Variants in FBN1 observed in about 807,000 individuals in gnomAD.
The protein encoded by FBN1 is fibrillin-1.
A neutral mutation model predicts 365.1 loss-of-function variants in FBN1; 29 were observed. The observed-to-expected ratio is 0.08, with a 90% CI of 0.06 to 0.11. The LOEUF is 0.11. FBN1 is among the 10% of genes least tolerant of loss of function. FBN1 has a pLI of 1.00. For synonymous variants in FBN1, 1,210 were observed against 1,270.5 expected, an observed-to-expected ratio of 0.95 and a Z score of 1.01; for missense variants, 2,476 against 3,703.2, an observed-to-expected ratio of 0.67 and a Z score of 8.60.
At chr15:48,511,206 G>C (rs1395204000) in intron 13 of FBN1, among the ~76,000 whole-genome samples, 1 of 152,134 alleles carries the variant, frequency 6.6e-6, no homozygotes. Flanking sequence ...GTGTCTTGTG[G>C]TTGGCCCTCA....
chr15:48,560,203 A>G (rs537229131), intron 6 of FBN1, among the ~76,000 whole-genome samples: 2 of 152,300 alleles, frequency 1.3e-5, no homozygotes, highest in Admixed American at 1.3e-4. Context: ...GCATGAGACA[A>G]AGCGCACACA....
intron 52 of FBN1, 34 bp from the exon 53 acceptor site, chr15:48,437,111 G>C (rs751438568): frequency 4.9e-6 from 7 of 1,427,224 alleles, no homozygotes; most frequent in Admixed American, 1.7e-5. Flanking sequence ...TGAATAACAA[G>C]GTATTTTTTA....
At chr15:48,534,036 T>A in intron 8 of FBN1, 44 bp downstream of exon 8, 2 of 1,612,202 alleles carry the variant, frequency 1.2e-6, no homozygotes, top group Non-Finnish European at 1.7e-6. Flanking sequence ...GAGTTTTGCC[T>A]GCCCCCACTA....
intron 2 of FBN1, among the ~76,000 whole-genome samples, chr15:48,623,706 CT>C (rs1889814157): frequency 6.6e-6 from 1 of 152,174 alleles, no homozygotes; most frequent in African/African-American, 2.4e-5. Context: ...CTTGATAGGT[CT>C]CTTTGGATGT....
rs2043601876 is a variant in FBN1, at chr15:48,495,696, A to G, written c.2420-108T>C. ...CTACATATCCTTAATCCCACACAGT[A>G]AAGCTGGGCTAAATAGTTTTTCCTA... On this transcript the variant is annotated intron_variant, in intron 20 of 65. Coordinates refer to ENST00000316623, the MANE Select transcript of FBN1 (RefSeq NM_000138.5). The G allele has an allele frequency of 5.7e-6, 8 of 1,409,460 alleles. No homozygotes were observed. In the South Asian group the frequency reaches 9.4e-5, roughly 17 times the overall value. The allele number at this position is 1,409,460 out of a possible 1,614,324, so 87.3% of individuals were successfully genotyped here. A position where few individuals can be genotyped will look rare whatever the true frequency, so the allele number is the denominator to read the frequency against.
intron 6 of FBN1, among the ~76,000 whole-genome samples, chr15:48,567,338 CAAGAT>C: frequency 6.6e-6 from 1 of 152,136 alleles, no homozygotes; most frequent in African/African-American, 2.4e-5. Context: ...TATCAATTCA[CAAGAT>C]AAGAAATGAT....
At chr15:48,495,345 A>G (rs1241391656) in intron 21 of FBN1, 85 bp from the exon 22 acceptor site, 1 of 1,596,592 alleles carries the variant, frequency 6.3e-7, no homozygotes, top group African/African-American at 1.3e-5. Flanking sequence ...ATAGCATTTG[A>G]AACAAGGAAT....
chr15:48,411,450 A>G, intron 65 of FBN1, 71 bp from the exon 66 acceptor site: 2 of 1,437,216 alleles, frequency 1.4e-6, no homozygotes, highest in Non-Finnish European at 1.9e-6. Flanking sequence ...TAAAGAAAAA[A>G]TGACTCAAAT....
At chr15:48,444,427 A>G in intron 49 of FBN1, 114 bp downstream of exon 49, 1 of 1,251,166 alleles carries the variant, frequency 8.0e-7, no homozygotes, top group South Asian at 1.2e-5. Flanking sequence ...ATGCCCTTGC[A>G]TTTGTTTCTG....
At chr15:48,574,000 G>A (rs1408426606) in intron 6 of FBN1, among the ~76,000 whole-genome samples, 5 of 152,192 alleles carry the variant, frequency 3.3e-5, no homozygotes, top group South Asian at 2.1e-4. Context: ...GCCTTGTCCC[G>A]ACCGCACGGG....
rs148057138 is a variant in FBN1 at position 48,474,244 on chromosome 15, C to T, written c.4210+11G>A. On this transcript the variant is annotated intron_variant, in intron 34 of 65. Coordinates refer to ENST00000316623, the MANE Select transcript of FBN1 (RefSeq NM_000138.5). ...CTAGTGTTGACACAGTTGTTTCCAGCGTGAACATACCTGTACAAGTGAAGC... is the reference window on the plus strand; with the variant it reads ...CTAGTGTTGACACAGTTGTTTCCAGTGTGAACATACCTGTACAAGTGAAGC... 52 of 1,614,002 alleles carry T rather than the reference C, an allele frequency of 3.2e-5. No individual in the cohort carries two copies. Among genetic ancestry groups the T allele is most frequent in the Admixed American group, 1.2e-4 (7 of 60,008 alleles).
chr15:48,489,199 T>C (rs12910462), intron 25 of FBN1, among the ~76,000 whole-genome samples: 3 of 103,284 alleles, frequency 2.9e-5, no homozygotes, highest in South Asian at 3.4e-4. Context: ...CATGCCTAGA[T>C]ATTTTTTTTT....
In FBN1 at chr15:48,415,687, G is replaced by C; in HGVS notation, c.7900C>G (p.Pro2634Ala). The C allele has an allele frequency of 6.2e-7, 1 of 1,614,212 alleles. No homozygotes were observed. ...NTLGSYKCMC[P>A]AGFQYEQFSG... Reference sequence around the variant, plus strand: ...AACTGTTCATACTGGAAGCCGGCGGGACACATGCACTTGTAGCTCCCCAGG... The same window carrying C: ...AACTGTTCATACTGGAAGCCGGCGGCACACATGCACTTGTAGCTCCCCAGG... Residue 2634 changes from proline to alanine, a missense_variant, in exon 64 of 66, where the codon CCC becomes GCC. Transcript: ENST00000316623.
chr15:48,635,960 C>T (rs757785673), intron 2 of FBN1, among the ~76,000 whole-genome samples: 56 of 152,194 alleles, frequency 3.7e-4, no homozygotes, highest in Admixed American at 7.9e-4. Context: ...GCCAACTGAA[C>T]TTGATCAAGT....
At chr15:48,595,297 T>C (rs1029640254) in intron 6 of FBN1, among the ~76,000 whole-genome samples, 5 of 152,262 alleles carry the variant, frequency 3.3e-5, no homozygotes, top group African/African-American at 1.2e-4. Context: ...CATCTGCTAC[T>C]GAATCTTTAC....
chr15:48,525,064 T>C (rs2043897144), intron 9 of FBN1, among the ~76,000 whole-genome samples: 1 of 151,786 alleles, frequency 6.6e-6, no homozygotes, highest in Non-Finnish European at 1.5e-5. Flanking sequence ...TCTTAACAAT[T>C]ATTAAATCCA....
At position 48,444,589 on chromosome 15, in the gene FBN1, T is replaced by G. The variant is rs2043139799; in HGVS notation, c.5989A>C (p.Arg1997=). Residue 1997 remains arginine, a synonymous_variant, in exon 49 of 66, where the codon AGA becomes CGA. Coordinates refer to ENST00000316623, the MANE Select transcript of FBN1 (RefSeq NM_000138.5). ...CTGTATCCAGGTGGGCAAATGCATCTGTAGGACCCATCCAAGTTTTGACAG... is the reference window on the plus strand; with the variant it reads ...CTGTATCCAGGTGGGCAAATGCATCGGTAGGACCCATCCAAGTTTTGACAG... The part of the protein sequence containing the change: ...GTCQNLDGSY[R]CICPPGYSLQ... 1.9e-6 allele frequency: 3 copies of G among 1,613,568 alleles called. No individual in the cohort carries two copies. Among genetic ancestry groups the G allele is most frequent in the Non-Finnish European group, 2.5e-6 (3 of 1,179,728 alleles).
intron 17 of FBN1, among the ~76,000 whole-genome samples, chr15:48,500,949 C>A (rs2043649767): frequency 6.6e-6 from 1 of 152,194 alleles, no homozygotes; most frequent in African/African-American, 2.4e-5. Context: ...ATTTTCAGTA[C>A]TTTAAACAGC....
Position 48,537,603 on chromosome 15 carries a change from G to T in FBN1, c.736+8C>A. 1 of 1,614,124 alleles carries T rather than the reference G, an allele frequency of 6.2e-7. No homozygotes were observed. ...AATCCATTAATAATTCCATCAGCCC[G>T]GGTTTACCTTGACAAGCTCCCGTGC... On this transcript the variant is annotated splice_region_variant and intron_variant, in intron 7 of 65. Coordinates refer to ENST00000316623, the MANE Select transcript of FBN1 (RefSeq NM_000138.5).
Sources: gnomAD v4.1 joint callset for allele counts (sites outside exome capture counted in the v4.1 genomes callset) on GRCh38, gnomAD v4.1.1 for gene constraint, MANE v1.5 for transcripts, NCBI Gene and HGNC (gene_info 2026-07-23, HGNC 2026-07-21) for gene names.